Variants in ZNF660 observed in about 807,000 individuals in gnomAD.
The protein encoded by ZNF660 is zinc finger protein 660.
In ZNF660, 24 loss-of-function variants were observed where a neutral mutation model predicts 23.2. That is an observed-to-expected ratio of 1.04 (90% CI 0.75 to 1.46). ZNF660 has a LOEUF of 1.46. ZNF660 is among the 40% of genes most tolerant of loss of function. ZNF660 has a pLI of 0.00. For synonymous variants in ZNF660, 117 were observed against 131.4 expected (o/e 0.89, Z 0.75); for missense variants, 373 against 396.8 (o/e 0.94, Z 0.51).
Position 44,594,986 on chromosome 3 carries a change from CAGAG to C in ZNF660, c.796_799del (p.Arg266PhefsTer27). 1.9e-6 allele frequency: 3 copies of C among 1,613,938 alleles called. No individual in the cohort carries two copies. Among genetic ancestry groups the C allele is most frequent in the Non-Finnish European group, 2.5e-6 (3 of 1,179,974 alleles). On this transcript the variant is annotated frameshift_variant, in exon 3 of 3. Coordinates refer to ENST00000322734, the MANE Select transcript of ZNF660 (RefSeq NM_173658.4). LOFTEE classifies it high-confidence loss of function. ...TTCTAATCGAAACCTTGTTGATCATCAGAGAGTTCACACTGGAGAGAAACCCTAT... is the reference window on the plus strand; with the variant it reads ...TTCTAATCGAAACCTTGTTGATCATCAGTTCACACTGGAGAGAAACCCTAT...
chr3:44,586,378 G>C (rs1452377749), intron 2 of ZNF660, 165 bp downstream of exon 2: 1 of 152,266 alleles, frequency 6.6e-6, no homozygotes, highest in Non-Finnish European at 1.5e-5. Flanking sequence ...TCTGGACCTT[G>C]AGGAGTAGAG....
rs79748566 is a variant in ZNF660, at chr3:44,589,157, A to G, written c.-181+2944A>G. Among the ~76,000 whole-genome samples the G allele has an allele frequency of 8.8e-3, 1,339 of 152,316 alleles. 22 individuals carry two copies. The highest frequency in any genetic ancestry group is 0.031 in the African/African-American group (1,280 of 41,558). On this transcript the variant is annotated intron_variant, in intron 2 of 2. Transcript: ENST00000322734. ...ACCCTCCAGTGTTCACCTGTACCGCATGACTAGTGTTGTCTCCTAATTCAT... is the reference window on the plus strand; with the variant it reads ...ACCCTCCAGTGTTCACCTGTACCGCGTGACTAGTGTTGTCTCCTAATTCAT...
chr3:44,592,464 C>G (rs1160690724), intron 2 of ZNF660, among the ~76,000 whole-genome samples: 1 of 152,160 alleles, frequency 6.6e-6, no homozygotes, highest in African/African-American at 2.4e-5. Context: ...CTAAGGTCTG[C>G]CATGGTTACC....
Position 44,597,413 on chromosome 3 carries a change from C to A in ZNF660, c.*2224C>A, listed in dbSNP as rs1377006025. The A allele has an allele frequency of 5.9e-5, 9 of 152,054 alleles. No individual in the cohort carries two copies. The highest frequency in any genetic ancestry group is 2.2e-4 in the African/African-American group (9 of 41,390). The allele number at this position is 152,054 out of a possible 1,614,324, so 9.4% of individuals were successfully genotyped here. A position where few individuals can be genotyped will look rare whatever the true frequency, so the allele number is the denominator to read the frequency against. On this transcript the variant is annotated 3_prime_UTR_variant, in exon 3 of 3. Coordinates refer to ENST00000322734, the MANE Select transcript of ZNF660 (RefSeq NM_173658.4). This position sits in a 1 kb window ranked among gnomAD's most constrained non-coding sequence, Gnocchi z 4.1. ...AGTTTTAAGGTATATATATTTCTTT[C>A]TTGCTGTTACCGGAAAGAAAGAAGT...
At chr3:44,589,010 C>T (rs985502720) in intron 2 of ZNF660, among the ~76,000 whole-genome samples, 1 of 152,166 alleles carries the variant, frequency 6.6e-6, no homozygotes, top group South Asian at 2.1e-4. Context: ...CATCTGGATG[C>T]GTTCCTGAAA....
rs535638799 is a variant in ZNF660 at position 44,589,385 on chromosome 3, A to G, written c.-181+3172A>G. On this transcript the variant is annotated intron_variant, in intron 2 of 2. Coordinates refer to ENST00000322734, the MANE Select transcript of ZNF660 (RefSeq NM_173658.4). The stretch of plus-strand genomic sequence containing the variant: ...CTAGCACTATTCTGGGAAAACCAGG[A>G]TATATGATTGCCCTACTTGACATCT... Among the ~76,000 whole-genome samples, 4 of 152,310 alleles carry G rather than the reference A, an allele frequency of 2.6e-5. No homozygotes were observed. In the South Asian group the frequency reaches 6.2e-4, roughly 24 times the overall value.
Position 44,594,860 on chromosome 3 carries a change from T to C in ZNF660, c.667T>C (p.Cys223Arg). 6.2e-7 allele frequency: 1 copy of C among 1,614,036 alleles called. No homozygotes were observed. Among genetic ancestry groups the C allele is most frequent in the Non-Finnish European group, 8.5e-7 (1 of 1,180,022 alleles). The stretch of plus-strand genomic sequence containing the variant: ...AGAGAAGCCTTATGAATGTGATGAG[T>C]GTGGAAAAACTTTCATCTTAAGGAA... ...TGEKPYECDE[C>R]GKTFILRKTL... Residue 223 changes from cysteine to arginine, a missense_variant, in exon 3 of 3, where the codon TGT (cysteine) becomes CGT (arginine). By Grantham distance (180) the Cys-to-Arg change is radical. Coordinates refer to ENST00000322734, the MANE Select transcript of ZNF660 (RefSeq NM_173658.4).
chr3:44,587,781 C>T (rs978253844), intron 2 of ZNF660, among the ~76,000 whole-genome samples: 5 of 152,292 alleles, frequency 3.3e-5, no homozygotes, highest in African/African-American at 7.2e-5. Context: ...CAGCCGGGCG[C>T]GGTGGCTTAC....
In ZNF660 at chr3:44,594,720, A is replaced by G. The variant is rs1487897436; in HGVS notation, c.527A>G (p.Asn176Ser). ...ECGKAFSRSSNLTQHQRMHRG... is the reference protein window; with the variant it reads ...ECGKAFSRSSSLTQHQRMHRG... ...GGGAAAGCCTTTAGCCGTAGTTCAA[A>G]CCTTACTCAACATCAGCGAATGCAC... The change falls in exon 3 of 3, where the codon AAC becomes AGC. Residue 176 changes from asparagine to serine, a missense_variant. Physicochemically the swap from Asn to Ser is conservative, Grantham distance 46. Coordinates refer to ENST00000322734, the MANE Select transcript of ZNF660 (RefSeq NM_173658.4). The G allele has an allele frequency of 6.2e-7, 1 of 1,614,156 alleles. No individual in the cohort carries two copies. Among genetic ancestry groups the G allele is most frequent in the South Asian group, 1.1e-5 (1 of 91,082 alleles).
chr3:44,588,445 G>A (rs1202898881), intron 2 of ZNF660, among the ~76,000 whole-genome samples: 1 of 152,060 alleles, frequency 6.6e-6, no homozygotes, highest in Non-Finnish European at 1.5e-5. Context: ...GATTTGGAAG[G>A]AACATCTAAA....
At position 44,596,165 on chromosome 3, in the gene ZNF660, G is replaced by T. The variant is rs1700600126; in HGVS notation, c.*976G>T. 6.2e-6 allele frequency: 1 copy of T among 160,246 alleles called. No individual in the cohort carries two copies. The highest frequency in any genetic ancestry group is 2.4e-5 in the African/African-American group (1 of 41,434). 9.9% of individuals were successfully genotyped at this position (160,246 alleles called of 1,614,324 possible). On this transcript the variant is annotated 3_prime_UTR_variant, in exon 3 of 3. Transcript: ENST00000322734. Reference sequence around the variant, plus strand: ...AGACTCTGCCTTCACATGGTATATAGAGTTTAAAGGCTAAAAGTACAAACT... The same window carrying T: ...AGACTCTGCCTTCACATGGTATATATAGTTTAAAGGCTAAAAGTACAAACT...
intron 2 of ZNF660, among the ~76,000 whole-genome samples, chr3:44,590,975 C>T (rs1216861391): frequency 6.6e-6 from 1 of 152,132 alleles, no homozygotes; most frequent in African/African-American, 2.4e-5. Flanking sequence ...TGTGTATGTG[C>T]CTGTGTATGG....
At position 44,598,539 on chromosome 3, in the gene ZNF660, T is replaced by C. The variant is rs1700698928; in HGVS notation, c.*3350T>C. The C allele has an allele frequency of 6.6e-6, 1 of 152,188 alleles. No individual in the cohort carries two copies. Among genetic ancestry groups the C allele is most frequent in the South Asian group, 2.1e-4 (1 of 4,824 alleles). The allele number at this position is 152,188 out of a possible 1,614,324, so 9.4% of individuals were successfully genotyped here. On this transcript the variant is annotated 3_prime_UTR_variant, in exon 3 of 3. Transcript: ENST00000322734. ...TGGAGTGCAATGGCGTGATATCGGC[T>C]CACTGCAACCTCTGCCTCCTGGGTT...
Position 44,594,129 on chromosome 3 carries a change from A to G in ZNF660, c.-65A>G. The G allele has an allele frequency of 6.2e-7, 1 of 1,601,980 alleles. No individual in the cohort carries two copies. The highest frequency in any genetic ancestry group is 8.5e-7 in the Non-Finnish European group (1 of 1,170,768). On this transcript the variant is annotated 5_prime_UTR_variant, in exon 3 of 3. Transcript: ENST00000322734. ...GACATTGCCCAGGAAGTCAAAATTT[A>G]GAAGGCTCCTCTGAAGGGAAAGAGA...
At chr3:44,586,529 G>A (rs1382951948) in intron 2 of ZNF660, 1 of 152,220 alleles carries the variant, frequency 6.6e-6, no homozygotes, top group African/African-American at 2.4e-5. Flanking sequence ...AGACTGGGAG[G>A]TTCCTTCCAG....
rs1392015038 is a variant in ZNF660 at position 44,598,642 on chromosome 3, A to G, written c.*3453A>G. The G allele has an allele frequency of 6.6e-6, 1 of 151,972 alleles. No individual in the cohort carries two copies. The highest frequency in any genetic ancestry group is 1.5e-5 in the Non-Finnish European group (1 of 68,034). The allele number at this position is 151,972 out of a possible 1,614,324, so 9.4% of individuals were successfully genotyped here. A position where few individuals can be genotyped will look rare whatever the true frequency, so the allele number is the denominator to read the frequency against. ...CCACCACACCTGGCTAATTTTTTGT[A>G]TTTTTAGTAGAGACGAGGTTTTGCC... On this transcript the variant is annotated 3_prime_UTR_variant, in exon 3 of 3. Coordinates refer to ENST00000322734, the MANE Select transcript of ZNF660 (RefSeq NM_173658.4).
chr3:44,585,228 C>A (rs1700187898), intron 1 of ZNF660, among the ~76,000 whole-genome samples: 1 of 152,200 alleles, frequency 6.6e-6, no homozygotes, highest in African/African-American at 2.4e-5. Flanking sequence ...TTGGACCAGG[C>A]TGGCCGTGGT....
chr3:44,592,203 A>T (rs1022131927), intron 2 of ZNF660, among the ~76,000 whole-genome samples: 2 of 152,222 alleles, frequency 1.3e-5, no homozygotes, highest in African/African-American at 4.8e-5. Flanking sequence ...GAAGTAATGG[A>T]TATGTTAATT....
intron 2 of ZNF660, among the ~76,000 whole-genome samples, chr3:44,587,916 G>C (rs191336084): frequency 2.0e-5 from 3 of 152,140 alleles, no homozygotes; most frequent in Admixed American, 2.0e-4. Flanking sequence ...TTAGCTGGGC[G>C]TGGTGGCACA....
Sources: allele counts gnomAD v4.1 joint callset (sites outside exome capture counted in the v4.1 genomes callset), GRCh38; gene constraint gnomAD v4.1.1; non-coding constraint Gnocchi (gnomAD v3.1); transcripts MANE v1.5; gene names NCBI Gene and HGNC (gene_info 2026-07-23, HGNC 2026-07-21).